PSMD6: variants seen among roughly 807,000 people sequenced by gnomAD.
PSMD6 encodes 26S proteasome non-ATPase regulatory subunit 6.
In PSMD6, 7 loss-of-function variants were observed where a neutral mutation model predicts 44.9. That is an observed-to-expected ratio of 0.16 (90% confidence interval 0.09 to 0.29). The LOEUF (loss-of-function observed/expected upper bound fraction) is 0.29. Among genes scored for constraint, PSMD6 ranks in the 10% least tolerant of loss-of-function variants. The pLI, the probability that PSMD6 is intolerant of heterozygous loss-of-function variation, is 1.00. For synonymous variants in PSMD6, 184 were observed against 172.7 expected, an observed-to-expected ratio of 1.07 and a Z score of -0.51; for missense variants, 420 against 482.6, an observed-to-expected ratio of 0.87 and a Z score of 1.21.
rs1427421897 is a variant in PSMD6, at chr3:64,018,948, T to C, written c.587A>G (p.Gln196Arg). ...AGTGTCAAGGAAGAGTTCAGCTGCC[T>C]GTTTGAAATCACGAATAGCCACACA... ...LYCVAIRDFK[Q>R]AAELFLDTVS... Residue 196 changes from glutamine (Q) to arginine (R), a missense_variant, in exon 4 of 8, where the codon CAG (glutamine) becomes CGG (arginine). Gln to Arg is a conservative substitution (Grantham distance 43). Transcript: ENST00000295901. 1.9e-6 allele frequency: 3 copies of C among 1,610,932 alleles called. No homozygotes were observed. The African/African-American group carries it at 4.0e-5, about 22-fold the overall frequency.
At chr3:64,019,784 A>C in intron 2 of PSMD6, 1 of 189,124 alleles carries the variant, frequency 5.3e-6, no homozygotes, top group Non-Finnish European at 1.1e-5. Context: ...CACTACATCA[A>C]AATAACATCA....
Position 64,022,325 on chromosome 3 carries a change from C to T in PSMD6, c.344G>A (p.Gly115Asp). Residue 115 changes from glycine (G) to aspartate (D), a missense_variant, in exon 2 of 8, where the codon GGT (glycine) becomes GAT (aspartate). Physicochemically the swap from Gly to Asp is moderately conservative, Grantham distance 94 (BLOSUM62 -1). Transcript: ENST00000295901. Reference sequence around the variant, plus strand: ...AAAACCATCTCTACTCACTTTGTCACCTATCCGGCAGAGGTACTCGGCCTT... The same window carrying T: ...AAAACCATCTCTACTCACTTTGTCATCTATCCGGCAGAGGTACTCGGCCTT... The part of the protein sequence containing the change: ...MAKAEYLCRI[G>D]DKEGALTAFR... 3 of 1,614,196 alleles carry T rather than the reference C, an allele frequency of 1.9e-6. No homozygotes were observed. Among genetic ancestry groups the T allele is most frequent in the Non-Finnish European group, 2.5e-6 (3 of 1,180,044 alleles).
At chr3:64,023,515 T>G (rs1228357971), upstream of PSMD6, 4 of 1,426,048 alleles carry the variant, frequency 2.8e-6, no homozygotes, top group Admixed American at 1.1e-4. Context: ...CCCGGCCGCC[T>G]GCGGCCCGGC....
At position 64,010,878 on chromosome 3, in the gene PSMD6, C is replaced by CTGT. The variant is rs2075927560; in HGVS notation, c.1070_1072dup (p.Asn357dup). The CTGT allele has an allele frequency of 6.2e-7, 1 of 1,605,314 alleles. No homozygotes were observed. The highest frequency in any genetic ancestry group is 1.3e-5 in the African/African-American group (1 of 74,614). ...CCCTTATTCTGAGAAATGAGAGTAC[C>CTGT]TGTTGGTTTCTACTATTTCATTCAC... On this transcript the variant is annotated inframe_insertion and splice_region_variant, in exon 7 of 8. Transcript: ENST00000295901.
chr3:64,021,402 G>A (rs1423637987), intron 2 of PSMD6, among the ~76,000 whole-genome samples: 2 of 151,928 alleles, frequency 1.3e-5, no homozygotes, highest in Non-Finnish European at 2.9e-5. Flanking sequence ...ATGATCCTAT[G>A]TACTTAAAAA....
chr3:64,010,643 C>A lies in PSMD6; in HGVS notation c.*25G>T. The A allele has an allele frequency of 6.6e-7, 1 of 1,514,670 alleles. No individual in the cohort carries two copies. Among genetic ancestry groups the A allele is most frequent in the South Asian group, 1.2e-5 (1 of 85,124 alleles). The allele number at this position is 1,514,670 out of a possible 1,614,324, so 93.8% of individuals were successfully genotyped here. ...AAATTCCAAATAATTATCTCTAAAG[C>A]AAATCCTTTGTTAGTTACATGGCTT... On this transcript the variant is annotated 3_prime_UTR_variant, in exon 8 of 8. Transcript: ENST00000295901.
At position 64,013,478 on chromosome 3, in the gene PSMD6, A is replaced by G. The variant is rs745744236; in HGVS notation, c.956T>C (p.Met319Thr). Residue 319 changes from methionine (M) to threonine (T), a missense_variant, in exon 6 of 8, where the codon ATG becomes ACG. Physicochemically the swap from Met to Thr is moderately conservative, Grantham distance 81 (BLOSUM62 -1). This residue lies in a region of PSMD6 where 63 missense variants were observed against 112.1 expected (regional missense o/e 0.56). Coordinates refer to ENST00000295901, the MANE Select transcript of PSMD6 (RefSeq NM_014814.3). ...CACACCAACACCAAACGCTTCTGCC[A>G]TATAGCCAAGGGTTAATGACCTATA... ...ESYRSLTLGYMAEAFGVGVEF... is the reference protein window; with the variant it reads ...ESYRSLTLGYTAEAFGVGVEF... 3.1e-6 allele frequency: 5 copies of G among 1,606,418 alleles called. No individual in the cohort carries two copies. Among genetic ancestry groups the G allele is most frequent in the Non-Finnish European group, 3.4e-6 (4 of 1,177,100 alleles).
Position 64,018,718 on chromosome 3 carries a change from T to TAA in PSMD6, c.718-13_718-12dup. On this transcript the variant is annotated splice_polypyrimidine_tract_variant and intron_variant, in intron 4 of 7. Transcript: ENST00000295901. ...TGCTCCTTTAATGACCTAGGTATTT[T>TAA]AAAAAACATATATACAAAAAAAATG... 6.5e-7 allele frequency: 1 copy of TAA among 1,543,262 alleles called. No homozygotes were observed. Among genetic ancestry groups the TAA allele is most frequent in the South Asian group, 1.2e-5 (1 of 86,182 alleles).
chr3:64,019,225 G>A, intron 3 of PSMD6, 71 bp downstream of exon 3: 2 of 1,499,600 alleles, frequency 1.3e-6, no homozygotes, highest in Non-Finnish European at 1.8e-6. Flanking sequence ...AAAACAGGCA[G>A]TTTCTTATAT....
In PSMD6 at chr3:64,019,305, T is replaced by G. The variant is rs1169372599; in HGVS notation, c.488A>C (p.Lys163Thr). The change falls in exon 3 of 8, where the codon AAG (lysine) becomes ACG (threonine). Residue 163 changes from lysine (K) to threonine (T), a missense_variant. This residue lies in a region of PSMD6 where 216 missense variants were observed against 227.0 expected (regional missense o/e 0.95). Transcript: ENST00000295901. Reference sequence around the variant, plus strand: ...CACCCTTAGAAAGTACCTTTTGGCCTTTTCTGTGTTTCGTGTGATGAGATC... The same window carrying G: ...CACCCTTAGAAAGTACCTTTTGGCCGTTTCTGTGTTTCGTGTGATGAGATC... ...DNDLITRNTE[K>T]AKSLIEEGGD... is the part of the protein sequence containing the mutation. 2 of 1,581,320 alleles carry G rather than the reference T, an allele frequency of 1.3e-6. No homozygotes were observed. The highest frequency in any genetic ancestry group is 2.7e-5 in the African/African-American group (2 of 74,168).
At chr3:64,017,632 C>G (rs1466614613) in intron 5 of PSMD6, 2 of 152,190 alleles carry the variant, frequency 1.3e-5, no homozygotes, top group African/African-American at 4.8e-5. Context: ...ACTCATCATG[C>G]TCGGGAAACC....
At chr3:64,019,087 G>A (rs755411452) in intron 3 of PSMD6, 50 bp from the exon 4 acceptor site, 28 of 1,503,380 alleles carry the variant, frequency 1.9e-5, no homozygotes, top group Non-Finnish European at 2.1e-5. Context: ...ACAAGGCCAC[G>A]TTTTAAAAAC....
rs762811298 is a variant in PSMD6 at position 64,023,428 on chromosome 3, A to G, written c.-9T>C. The G allele has an allele frequency of 1.9e-6, 3 of 1,594,980 alleles. No homozygotes were observed. Among genetic ancestry groups the G allele is most frequent in the African/African-American group, 2.7e-5 (2 of 73,758 alleles). ...AGGTTCTCCAGCGGCATCGCGGCGA[A>G]GGGGACAGCGGCTGACAGGACACAA... is the stretch of plus-strand genomic sequence containing the variant. On this transcript the variant is annotated 5_prime_UTR_variant, in exon 1 of 8. Transcript: ENST00000295901.
At chr3:64,013,931 A>G (rs2076003817) in intron 5 of PSMD6, 1 of 199,598 alleles carries the variant, frequency 5.0e-6, no homozygotes, top group Non-Finnish European at 1.0e-5. Flanking sequence ...TAAGTAAAAT[A>G]AAGTAAAAAT....
chr3:64,021,530 C>T (rs921425471), intron 2 of PSMD6, among the ~76,000 whole-genome samples: 1 of 152,012 alleles, frequency 6.6e-6, no homozygotes, highest in South Asian at 2.1e-4. Context: ...ATTTTATGAC[C>T]GGGTGCACTG....
intron 5 of PSMD6, chr3:64,014,496 C>T (rs1486255471): frequency 6.6e-6 from 1 of 151,914 alleles, no homozygotes; most frequent in African/African-American, 2.4e-5. Flanking sequence ...AAGCACAGAG[C>T]AATGTAAATG....
At chr3:64,013,650 C>A (rs755907388) in intron 5 of PSMD6, 43 bp from the exon 6 acceptor site, 4 of 1,512,502 alleles carry the variant, frequency 2.6e-6, no homozygotes, top group African/African-American at 1.4e-5. Context: ...CTCTCCGTTT[C>A]AGATAAAAAG....
At chr3:64,013,415 T>G in intron 6 of PSMD6, 24 bp downstream of exon 6, 1 of 1,518,656 alleles carries the variant, frequency 6.6e-7, no homozygotes, top group South Asian at 1.3e-5. Flanking sequence ...AAACTTCAAT[T>G]AACATGGCAT....
In PSMD6 at chr3:64,010,649, C is replaced by CT; in HGVS notation, c.*18dup. 1 of 1,528,774 alleles carries CT rather than the reference C, an allele frequency of 6.5e-7. No homozygotes were observed. Among genetic ancestry groups the CT allele is most frequent in the Non-Finnish European group, 9.0e-7 (1 of 1,112,724 alleles). The allele number at this position is 1,528,774 out of a possible 1,614,324, so 94.7% of individuals were successfully genotyped here. ...CAAATAATTATCTCTAAAGCAAATC[C>CT]TTTGTTAGTTACATGGCTTTACATA... On this transcript the variant is annotated 3_prime_UTR_variant, in exon 8 of 8. Transcript: ENST00000295901.
Sources: allele counts gnomAD v4.1 joint callset (sites outside exome capture counted in the v4.1 genomes callset), GRCh38; gene constraint gnomAD v4.1.1; regional missense constraint gnomAD v4.1.1; transcripts MANE v1.5; gene names NCBI Gene and HGNC (gene_info 2026-07-23, HGNC 2026-07-21).